PPP1R12B: variants seen among roughly 807,000 people sequenced by gnomAD.
PPP1R12B encodes the protein protein phosphatase 1 regulatory subunit 12B, also known as myosin phosphatase target subunit 2.
In PPP1R12B, 76 loss-of-function variants were observed where a neutral mutation model predicts 126.1. That is an observed-to-expected ratio of 0.60 (90% CI 0.50 to 0.73). PPP1R12B has a LOEUF of 0.73. Among genes scored for constraint, PPP1R12B ranks in the 30% least tolerant of loss-of-function variants. The probability of loss-of-function intolerance (pLI) is 0.00; values close to 1 mark genes in which losing one functional copy is unlikely to be tolerated. For missense variants in PPP1R12B, 1,052 were observed against 1,205.1 expected (o/e 0.87, Z 1.88); for synonymous variants, 356 against 434.7 (o/e 0.82, Z 2.25).
intron 22 of PPP1R12B, 147 bp from the exon 23 acceptor site, chr1:202,569,000 A>T: frequency 2.8e-6 from 2 of 709,304 alleles, no homozygotes; most frequent in Non-Finnish European, 4.8e-6. Flanking sequence ...AGGATCAGAT[A>T]GTGCTCAGAT....
At chr1:202,574,999 C>T in intron 23 of PPP1R12B, 1 of 1,605,800 alleles carries the variant, frequency 6.2e-7, no homozygotes, top group South Asian at 1.1e-5. Flanking sequence ...TCAATCTCTA[C>T]AGAACCTCCA....
chr1:202,547,632 G>T (rs1456890903), intron 18 of PPP1R12B, among the ~76,000 whole-genome samples: 2 of 152,212 alleles, frequency 1.3e-5, no homozygotes, highest in African/African-American at 4.8e-5. Context: ...TAAAATAGAT[G>T]AGAGTATATT....
chr1:202,437,786 T>C (rs1200189931), intron 9 of PPP1R12B, 35 bp from the exon 10 acceptor site: 1 of 1,553,598 alleles, frequency 6.4e-7, no homozygotes, highest in African/African-American at 1.4e-5. Context: ...ATCAGAGCCT[T>C]TATTTTTCAT....
chr1:202,441,460 CCTGGGTGCATGTTAGGA>C (rs1443967481), intron 11 of PPP1R12B, among the ~76,000 whole-genome samples: 3 of 152,152 alleles, frequency 2.0e-5, no homozygotes, highest in African/African-American at 7.2e-5. Context: ...CTGCTCCTGG[CCTGGGTGCATGTTAGGA>C]CTCCAGAATC....
At position 202,547,269 on chromosome 1, in the gene PPP1R12B, C is replaced by A. The variant is rs1685739213; in HGVS notation, c.2491-11608C>A. Among the ~76,000 whole-genome samples the A allele has an allele frequency of 3.3e-5, 5 of 151,998 alleles. No homozygotes were observed. In the South Asian group the frequency reaches 1.0e-3, roughly 32 times the overall value. The stretch of plus-strand genomic sequence containing the variant: ...TGGCAATTTATTACTGTAAGAAGAC[C>A]AAAGGGAAACAATCAAAGTTGCCTT... On this transcript the variant is annotated intron_variant, in intron 18 of 23. Coordinates refer to ENST00000608999, the MANE Select transcript of PPP1R12B (RefSeq NM_002481.4).
At position 202,348,960 on chromosome 1, in the gene PPP1R12B, G is replaced by C. The variant is rs1655409524; in HGVS notation, c.109G>C (p.Glu37Gln). 1 of 1,602,234 alleles carries C rather than the reference G, an allele frequency of 6.2e-7. No homozygotes were observed. Among genetic ancestry groups the C allele is most frequent in the Non-Finnish European group, 8.5e-7 (1 of 1,175,740 alleles). ...CTCGCTGACAGAGCAGGAGCCTGCG[G>C]AGCGACGAGGCGCGGGGCGGCAGCC... The part of the protein sequence containing the change: ...RGSLTEQEPA[E>Q]RRGAGRQPLT... Residue 37 changes from glutamate (E) to glutamine (Q), a missense_variant, in exon 1 of 24, where the codon GAG becomes CAG. Physicochemically the swap from Glu to Gln is conservative, Grantham distance 29 (BLOSUM62 2). Coordinates refer to ENST00000608999, the MANE Select transcript of PPP1R12B (RefSeq NM_002481.4).
intron 18 of PPP1R12B, among the ~76,000 whole-genome samples, chr1:202,557,490 C>G (rs1687072465): frequency 1.3e-5 from 2 of 152,140 alleles, no homozygotes; most frequent in African/African-American, 2.4e-5. Context: ...TTCCAACTTT[C>G]AGGATTCTCA....
chr1:202,387,652 A>G (rs1270614017), intron 1 of PPP1R12B, among the ~76,000 whole-genome samples: 4 of 152,204 alleles, frequency 2.6e-5, no homozygotes, highest in Non-Finnish European at 5.9e-5. Flanking sequence ...ATTTATTAAA[A>G]GGCCAGTCAT....
At chr1:202,543,062 C>T (rs1393416036) in intron 18 of PPP1R12B, among the ~76,000 whole-genome samples, 1 of 151,888 alleles carries the variant, frequency 6.6e-6, no homozygotes, top group Non-Finnish European at 1.5e-5. Context: ...GGAAAATATC[C>T]TCAGAGAGTA....
chr1:202,440,049 A>G (rs566786897), intron 10 of PPP1R12B: 1 of 153,674 alleles, frequency 6.5e-6, no homozygotes, highest in South Asian at 2.0e-4. Flanking sequence ...TTAACTTGTC[A>G]TTCTTTCATT....
intron 13 of PPP1R12B, among the ~76,000 whole-genome samples, chr1:202,451,511 C>T (rs1348588393): frequency 1.3e-5 from 2 of 149,872 alleles, no homozygotes; most frequent in Non-Finnish European, 3.0e-5. Context: ...CAACAGGATC[C>T]CAAGGCAGAA....
At chr1:202,464,405 T>G (rs1674714152) in intron 13 of PPP1R12B, among the ~76,000 whole-genome samples, 3 of 152,188 alleles carry the variant, frequency 2.0e-5, no homozygotes, top group Admixed American at 1.3e-4. Context: ...TACTTGAGTG[T>G]GAAGCTAGCA....
intron 13 of PPP1R12B, among the ~76,000 whole-genome samples, chr1:202,470,558 TTTTA>T (rs1675712733): frequency 6.6e-6 from 1 of 152,174 alleles, no homozygotes; most frequent in Non-Finnish European, 1.5e-5. Context: ...TCTTTATATA[TTTTA>T]TTTATTTTGA....
intron 9 of PPP1R12B, among the ~76,000 whole-genome samples, chr1:202,437,146 A>G (rs532015969): frequency 6.6e-6 from 1 of 152,246 alleles, no homozygotes; most frequent in African/African-American, 2.4e-5. Flanking sequence ...CCTGGGCAAC[A>G]TAGGGAGACC....
chr1:202,457,281 A>G (rs965929390), intron 13 of PPP1R12B, among the ~76,000 whole-genome samples: 7 of 152,184 alleles, frequency 4.6e-5, no homozygotes, highest in Admixed American at 2.0e-4. Context: ...TGGGTCCAGT[A>G]GCTCACACCT....
chr1:202,468,597 T>G (rs975101503), intron 13 of PPP1R12B, among the ~76,000 whole-genome samples: 1 of 152,222 alleles, frequency 6.6e-6, no homozygotes, highest in Admixed American at 6.5e-5. Context: ...TATCAGTACT[T>G]AATATGTCCA....
intron 1 of PPP1R12B, among the ~76,000 whole-genome samples, chr1:202,415,862 T>C (rs1667991814): frequency 6.6e-6 from 1 of 152,198 alleles, no homozygotes; most frequent in South Asian, 2.1e-4. Flanking sequence ...ACCAAAGCAG[T>C]GTTTGTTTAG....
intron 18 of PPP1R12B, among the ~76,000 whole-genome samples, chr1:202,519,690 A>C (rs193238198): frequency 6.6e-6 from 1 of 152,266 alleles, no homozygotes; most frequent in African/African-American, 2.4e-5. Flanking sequence ...AATTGTACAG[A>C]CTTTGCAGTG....
chr1:202,390,271 G>A (rs889616479), intron 1 of PPP1R12B, among the ~76,000 whole-genome samples: 1 of 152,094 alleles, frequency 6.6e-6, no homozygotes, highest in Non-Finnish European at 1.5e-5. Context: ...CCATACAAAA[G>A]TTAAAATAGA....
Sources: gnomAD v4.1 joint callset for allele counts (sites outside exome capture counted in the v4.1 genomes callset) on GRCh38, gnomAD v4.1.1 for gene constraint, MANE v1.5 for transcripts, NCBI Gene and HGNC (gene_info 2026-07-23, HGNC 2026-07-21) for gene names.